CNTLN: variants seen among roughly 807,000 people sequenced by gnomAD.
The protein encoded by CNTLN is centlein, centrosomal protein.
Under a neutral mutation model 180.0 loss-of-function variants are expected in CNTLN, and 212 were observed. That is an observed-to-expected ratio of 1.18 (90% CI 1.05 to 1.32). CNTLN has a LOEUF of 1.32. Ranked by LOEUF, CNTLN falls within the 40% of genes most tolerant of loss-of-function variation. The pLI is 0.00. For missense variants in CNTLN, 2,095 were observed against 1,610.9 expected (o/e 1.30, Z -5.14); for synonymous variants, 722 against 563.1 (o/e 1.28, Z -3.99).
chr9:17,339,269 A>G (rs900658826), intron 10 of CNTLN, among the ~76,000 whole-genome samples: 3 of 152,324 alleles, frequency 2.0e-5, no homozygotes, highest in Admixed American at 6.5e-5. Flanking sequence ...CAGTAAAATA[A>G]TGCAGACTCT....
intron 2 of CNTLN, among the ~76,000 whole-genome samples, chr9:17,143,843 C>T (rs1283525565): frequency 1.3e-5 from 2 of 152,168 alleles, no homozygotes; most frequent in African/African-American, 4.8e-5. Flanking sequence ...AAGGATTTTA[C>T]TTAGCACTCC....
chr9:17,454,816 G>C (rs778274635), intron 18 of CNTLN, among the ~76,000 whole-genome samples: 1 of 152,120 alleles, frequency 6.6e-6, no homozygotes, highest in African/African-American at 2.4e-5. Flanking sequence ...CAGAGAATTC[G>C]AATCCGGAAA....
In CNTLN at chr9:17,403,197, A is replaced by G. The variant is rs187539304; in HGVS notation, c.2616-6096A>G. Among the ~76,000 whole-genome samples the G allele has an allele frequency of 5.6e-3, 850 of 151,830 alleles. 9 individuals are homozygous for G. Among genetic ancestry groups the G allele is most frequent in the Admixed American group, 8.3e-3 (126 of 15,228 alleles). On this transcript the variant is annotated intron_variant, in intron 15 of 25. Coordinates refer to ENST00000380647, the MANE Select transcript of CNTLN (RefSeq NM_017738.4). ...AGATACACACAAAGCCCATTCTGTG[A>G]ACAAAATGACCCATTGTATAGATCT...
rs1587622463 is a variant in CNTLN, at chr9:17,312,830, A to C, written c.1341+3578A>C. On this transcript the variant is annotated intron_variant, in intron 8 of 25. Coordinates refer to ENST00000380647, the MANE Select transcript of CNTLN (RefSeq NM_017738.4). ...AGAGTGCTCCTTAAATATCAATATTAGTTATGTCATTGCACTTGATAGTAT... is the reference window on the plus strand; with the variant it reads ...AGAGTGCTCCTTAAATATCAATATTCGTTATGTCATTGCACTTGATAGTAT... Among the ~76,000 whole-genome samples, 4 of 152,232 alleles carry C rather than the reference A, an allele frequency of 2.6e-5. 1 individual carries two copies. The East Asian group carries it at 7.7e-4, about 29-fold the overall frequency.
At chr9:17,177,981 C>G (rs1193093454) in intron 2 of CNTLN, among the ~76,000 whole-genome samples, 1 of 152,050 alleles carries the variant, frequency 6.6e-6, no homozygotes, top group African/African-American at 2.4e-5. Context: ...GAGCTAGACA[C>G]AAAAGTTCTC....
chr9:17,503,629 TA>T lies in CNTLN; in HGVS notation c.*978del, dbSNP rs1312441486. The T allele has an allele frequency of 6.6e-6, 1 of 152,558 alleles. No homozygotes were observed. Among genetic ancestry groups the T allele is most frequent in the East Asian group, 1.9e-4 (1 of 5,198 alleles). The allele number at this position is 152,558 out of a possible 1,614,324, so 9.5% of individuals were successfully genotyped here. A position where few individuals can be genotyped will look rare whatever the true frequency, so the allele number is the denominator to read the frequency against. Reference sequence around the variant, plus strand: ...ACATTCTCTGACCAGCTTACTATTTTATTTCCTCATAGCACAAAATTATCTA... The same window carrying T: ...ACATTCTCTGACCAGCTTACTATTTTTTTCCTCATAGCACAAAATTATCTA... On this transcript the variant is annotated 3_prime_UTR_variant, in exon 26 of 26. Coordinates refer to ENST00000380647, the MANE Select transcript of CNTLN (RefSeq NM_017738.4).
intron 20 of CNTLN, 47 bp downstream of exon 20, chr9:17,463,060 G>A: frequency 8.9e-7 from 1 of 1,121,486 alleles, no homozygotes; most frequent in East Asian, 2.5e-5. Flanking sequence ...CCACCTAGTG[G>A]CAACCAGCTC....
At position 17,359,734 on chromosome 9, in the gene CNTLN, A is replaced by AC. The variant is rs757535537; in HGVS notation, c.1887-6883_1887-6882insC. Among the ~76,000 whole-genome samples the AC allele has an allele frequency of 2.8e-3, 326 of 114,452 alleles. 14 individuals carry two copies. Among genetic ancestry groups the AC allele is most frequent in the African/African-American group, 9.3e-3 (310 of 33,278 alleles). The allele number at this position is 114,452 out of a possible 152,430, so 75.1% of individuals were successfully genotyped here. On this transcript the variant is annotated intron_variant, in intron 12 of 25. Transcript: ENST00000380647. The stretch of plus-strand genomic sequence containing the variant: ...GTCTATACTAAAAATACAAAAAAAA[A>AC]AAAAAAAAAAAAAAAACTAGCTGGG...
intron 25 of CNTLN, among the ~76,000 whole-genome samples, chr9:17,498,451 T>C (rs2134405519): frequency 6.6e-6 from 1 of 152,280 alleles, no homozygotes; most frequent in Admixed American, 6.5e-5. Context: ...AAGCTAAAAA[T>C]CTGTGTGAAA....
intron 25 of CNTLN, among the ~76,000 whole-genome samples, chr9:17,495,948 C>A (rs534181818): frequency 6.6e-6 from 1 of 152,278 alleles, no homozygotes; most frequent in Admixed American, 6.5e-5. Flanking sequence ...AGCCTAGGAG[C>A]AATAGGCCAT....
At chr9:17,345,821 A>G (rs1231018895) in intron 12 of CNTLN, among the ~76,000 whole-genome samples, 1 of 152,138 alleles carries the variant, frequency 6.6e-6, no homozygotes, top group Non-Finnish European at 1.5e-5. Flanking sequence ...TAAATAATTT[A>G]TGTATGGGTA....
intron 6 of CNTLN, among the ~76,000 whole-genome samples, chr9:17,281,789 T>C (rs935684586): frequency 1.1e-4 from 16 of 152,318 alleles, no homozygotes; most frequent in African/African-American, 3.8e-4. Context: ...TTATATTATA[T>C]TGGGTATATA....
chr9:17,217,957 A>T (rs903758766), intron 2 of CNTLN, among the ~76,000 whole-genome samples: 1 of 152,164 alleles, frequency 6.6e-6, no homozygotes, highest in Admixed American at 6.5e-5. Context: ...TATATTTAAT[A>T]TAAGCAGATG....
At chr9:17,297,551 A>G (rs1481213832) in intron 6 of CNTLN, among the ~76,000 whole-genome samples, 1 of 152,150 alleles carries the variant, frequency 6.6e-6, no homozygotes, top group South Asian at 2.1e-4. Flanking sequence ...CATCATTACC[A>G]CCACCAGTTC....
At chr9:17,226,166 A>C (rs780793420) in intron 2 of CNTLN, 37 bp from the exon 3 acceptor site, 3 of 1,052,434 alleles carry the variant, frequency 2.9e-6, no homozygotes, top group Non-Finnish European at 2.8e-6. Context: ...ATTAGCTACC[A>C]GTTATGACTA....
intron 12 of CNTLN, among the ~76,000 whole-genome samples, chr9:17,354,406 T>A (rs1183816269): frequency 6.6e-6 from 1 of 152,188 alleles, no homozygotes; most frequent in African/African-American, 2.4e-5. Flanking sequence ...CTTCTGAGTC[T>A]GGTGGGGCCT....
chr9:17,408,800 T>TA (rs71331488), intron 15 of CNTLN, among the ~76,000 whole-genome samples: 120,193 of 143,612 alleles, frequency 0.84, 50,778 homozygotes, highest in Non-Finnish European at 0.91. Flanking sequence ...GACTCTGTCT[T>TA]AAAAAAAAAA....
chr9:17,176,509 A>G (rs1820728237), intron 2 of CNTLN, among the ~76,000 whole-genome samples: 1 of 152,150 alleles, frequency 6.6e-6, no homozygotes, highest in South Asian at 2.1e-4. Context: ...TTAAGGATTG[A>G]TTGCATCTCT....
chr9:17,401,703 T>A (rs533720169), intron 15 of CNTLN, among the ~76,000 whole-genome samples: 4 of 151,858 alleles, frequency 2.6e-5, no homozygotes, highest in African/African-American at 7.3e-5. Context: ...ACAATGAAAA[T>A]TTTAAAAGTA....
Sources: gnomAD v4.1 joint callset for allele counts (sites outside exome capture counted in the v4.1 genomes callset) on GRCh38, gnomAD v4.1.1 for gene constraint, MANE v1.5 for transcripts, NCBI Gene and HGNC (gene_info 2026-07-23, HGNC 2026-07-21) for gene names.